The following PRUNE2 variants were observed in gnomAD, a reference collection of about 807,000 sequenced individuals.
PRUNE2 encodes the protein prune homolog 2 with BCH domain.
Under a neutral mutation model 252.0 loss-of-function variants are expected in PRUNE2, and 164 were observed. That is an observed-to-expected ratio of 0.65 (90% CI 0.57 to 0.74). The LOEUF (loss-of-function observed/expected upper bound fraction) is 0.74. Among genes scored for constraint, PRUNE2 ranks in the 30% least tolerant of loss-of-function variants. PRUNE2 has a pLI of 0.00. For synonymous variants in PRUNE2, 1,292 were observed against 1,350.2 expected (o/e 0.96, Z 0.94); for missense variants, 3,495 against 3,711.0 (o/e 0.94, Z 1.51).
In PRUNE2 at chr9:76,668,318, A is replaced by C. The variant is rs573966437; in HGVS notation, c.8277-12816T>G. 2.6e-5 allele frequency among the ~76,000 whole-genome samples: 4 copies of C among 152,298 alleles called. No individual in the cohort carries two copies. The East Asian group carries it at 7.7e-4, about 29-fold the overall frequency. On this transcript the variant is annotated intron_variant, in intron 9 of 18. Coordinates refer to ENST00000376718, the MANE Select transcript of PRUNE2 (RefSeq NM_015225.3). ...ATCATGCAAACACGAAATAATTAAA[A>C]ATTTCTCAGATCTCTGATTTTCCCA... is the stretch of plus-strand genomic sequence containing the variant.
chr9:76,636,774 C>CTAAAAATAAAAA (rs537163662), intron 14 of PRUNE2, among the ~76,000 whole-genome samples: 4 of 151,742 alleles, frequency 2.6e-5, no homozygotes, highest in African/African-American at 9.7e-5. Context: ...CCCATCTCTA[C>CTAAAAATAAAAA]TAAAAATAAA....
chr9:76,862,918 T>TA (rs1260903344), intron 1 of PRUNE2: 2 of 152,176 alleles, frequency 1.3e-5, no homozygotes, highest in African/African-American at 4.8e-5. Context: ...ATAGATGACT[T>TA]CTGTTTGCTT....
chr9:76,834,178 C>T (rs888689632), intron 4 of PRUNE2, among the ~76,000 whole-genome samples: 1 of 152,004 alleles, frequency 6.6e-6, no homozygotes, highest in Non-Finnish European at 1.5e-5. Context: ...CCACCGTGCC[C>T]GGCCCCAAGA....
intron 9 of PRUNE2, among the ~76,000 whole-genome samples, chr9:76,685,378 A>G (rs146989225): frequency 0.012 from 1,832 of 152,250 alleles, 42 homozygotes; most frequent in African/African-American, 0.041. Flanking sequence ...ACCATCAGGA[A>G]TTCCTGGCAC....
intron 9 of PRUNE2, among the ~76,000 whole-genome samples, chr9:76,669,326 C>CT (rs5898495): frequency 1.2e-4 from 18 of 150,104 alleles, no homozygotes; most frequent in African/African-American, 4.2e-4. Flanking sequence ...TTTCCTTTTT[C>CT]TTTTTTTTTT....
Position 76,791,809 on chromosome 9 carries a change from C to T in PRUNE2, c.756+31823G>A, listed in dbSNP as rs143792726. ...TAAAGAGCCAGACTACCCTGTCCCC[C>T]GACTAGATTCAGAAGCACCTGACTA... is the stretch of plus-strand genomic sequence containing the variant. On this transcript the variant is annotated intron_variant, in intron 6 of 18. Transcript: ENST00000376718. Among the ~76,000 whole-genome samples the T allele has an allele frequency of 4.9e-3, 740 of 152,206 alleles. 5 individuals are homozygous for T. The highest frequency in any genetic ancestry group is 0.017 in the African/African-American group (711 of 41,532).
At chr9:76,905,604 G>A (rs924828337) in intron 1 of PRUNE2, among the ~76,000 whole-genome samples, 1 of 152,092 alleles carries the variant, frequency 6.6e-6, no homozygotes, top group African/African-American at 2.4e-5. Flanking sequence ...TTATCTCAAG[G>A]AAGACCACAC....
At chr9:76,832,735 C>T (rs1302738143) in intron 4 of PRUNE2, among the ~76,000 whole-genome samples, 2 of 151,186 alleles carry the variant, frequency 1.3e-5, no homozygotes, top group Non-Finnish European at 3.0e-5. Context: ...TGGAAGAAAT[C>T]AATAAAACAA....
intron 9 of PRUNE2, among the ~76,000 whole-genome samples, chr9:76,688,320 T>C (rs1415146053): frequency 1.3e-5 from 2 of 152,220 alleles, no homozygotes; most frequent in East Asian, 1.9e-4. Flanking sequence ...CTAAGGCTGA[T>C]GAATCAGATG....
chr9:76,896,092 A>G (rs12338898), intron 1 of PRUNE2, among the ~76,000 whole-genome samples: 6,549 of 150,202 alleles, frequency 0.044, 486 homozygotes, highest in African/African-American at 0.15. Flanking sequence ...TGCTTCTTAT[A>G]GGTCCTGTTT....
chr9:76,873,476 CT>C (rs1186559203), intron 1 of PRUNE2, among the ~76,000 whole-genome samples: 1 of 152,198 alleles, frequency 6.6e-6, no homozygotes, highest in East Asian at 1.9e-4. Context: ...CCTCTTCAAT[CT>C]TTGTGTCTAA....
At chr9:76,748,287 T>G (rs532118232) in intron 6 of PRUNE2, among the ~76,000 whole-genome samples, 1 of 152,334 alleles carries the variant, frequency 6.6e-6, no homozygotes, top group African/African-American at 2.4e-5. Context: ...CTATCATGTT[T>G]GCAAATCAAG....
chr9:76,819,106 C>T (rs1367016992), intron 6 of PRUNE2, among the ~76,000 whole-genome samples: 1 of 152,038 alleles, frequency 6.6e-6, no homozygotes, highest in African/African-American at 2.4e-5. Flanking sequence ...CAAAAATTAG[C>T]TAGGTGTGGT....
chr9:76,877,565 C>G (rs993373032), intron 1 of PRUNE2, among the ~76,000 whole-genome samples: 1 of 152,108 alleles, frequency 6.6e-6, no homozygotes, highest in African/African-American at 2.4e-5. Context: ...TTGCTGCACT[C>G]AAGACTCTGA....
In PRUNE2 at chr9:76,846,480, C is replaced by T. The variant is rs148094253; in HGVS notation, c.508+35G>A. On this transcript the variant is annotated intron_variant, in intron 4 of 18. Transcript: ENST00000376718. ...GCAGGCTGGGAGACACTCCATTAAG[C>T]CTTCCAGTATTTAATAGGAAGAGCC... The T allele has an allele frequency of 8.2e-6, 13 of 1,582,040 alleles. No individual in the cohort carries two copies. In the Admixed American group the frequency reaches 2.3e-4, roughly 27 times the overall value.
chr9:76,637,035 GTTACTA>G (rs1840476795), intron 14 of PRUNE2, among the ~76,000 whole-genome samples: 1 of 150,394 alleles, frequency 6.6e-6, no homozygotes, highest in Non-Finnish European at 1.5e-5. Context: ...TTCTATGCAA[GTTACTA>G]TTACCTGGTA....
intron 6 of PRUNE2, among the ~76,000 whole-genome samples, chr9:76,750,375 A>G (rs940124822): frequency 6.6e-6 from 1 of 152,194 alleles, no homozygotes; most frequent in Non-Finnish European, 1.5e-5. Context: ...CCAGGTAAAC[A>G]GTGTCTGAAT....
intron 6 of PRUNE2, among the ~76,000 whole-genome samples, chr9:76,789,557 C>G (rs535249833): frequency 6.6e-6 from 1 of 152,108 alleles, no homozygotes; most frequent in African/African-American, 2.4e-5. Context: ...AAAACAGAGA[C>G]GACTACTGGC....
chr9:76,727,630 T>TTTC (rs1490388886), intron 6 of PRUNE2, among the ~76,000 whole-genome samples: 3 of 149,414 alleles, frequency 2.0e-5, no homozygotes, highest in South Asian at 2.2e-4. Flanking sequence ...GAGTTGTTTC[T>TTTC]TTCTTCTTCT....
Sources: allele counts gnomAD v4.1 joint callset (sites outside exome capture counted in the v4.1 genomes callset), GRCh38; gene constraint gnomAD v4.1.1; transcripts MANE v1.5; gene names NCBI Gene and HGNC (gene_info 2026-07-23, HGNC 2026-07-21).